ZFYVE16: variants seen among roughly 807,000 people sequenced by gnomAD.
The protein encoded by ZFYVE16 is zinc finger FYVE-type containing 16, also known as zinc finger FYVE domain-containing protein 16.
ZFYVE16 carries 89 observed loss-of-function variants against 138.1 expected under a neutral mutation model. The observed-to-expected ratio is 0.64, with a 90% CI of 0.54 to 0.77. The LOEUF (loss-of-function observed/expected upper bound fraction) is 0.77. Ranked by LOEUF, ZFYVE16 falls within the 30% of genes least tolerant of loss-of-function variation. ZFYVE16 has a pLI of 0.00. For synonymous variants in ZFYVE16, 596 were observed against 618.3 expected, an observed-to-expected ratio of 0.96 and a Z score of 0.53; for missense variants, 1,793 against 1,786.7, an observed-to-expected ratio of 1.00 and a Z score of -0.06.
At position 80,436,955 on chromosome 5, in the gene ZFYVE16, T is replaced by G; in HGVS notation, c.270T>G (p.Ser90=). The change falls in exon 4 of 19, where the codon TCT becomes TCG. Residue 90 remains serine, a synonymous_variant. Transcript: ENST00000505560. ...AAAAAACACTCAAGGGACTTACTTC[T>G]ATACAAAATGAAAAAAATGTAACAG... ...LNEKTLKGLT[S]IQNEKNVTGL... 6.2e-7 allele frequency: 1 copy of G among 1,614,144 alleles called. No homozygotes were observed. The highest frequency in any genetic ancestry group is 8.5e-7 in the Non-Finnish European group (1 of 1,180,010).
At chr5:80,410,912 T>C (rs967690273) in intron 1 of ZFYVE16, among the ~76,000 whole-genome samples, 3 of 151,952 alleles carry the variant, frequency 2.0e-5, no homozygotes, top group African/African-American at 7.2e-5. Flanking sequence ...ACAACAAAAT[T>C]ATGTTTTCTC....
chr5:80,442,014 A>G, intron 5 of ZFYVE16: 1 of 725,620 alleles, frequency 1.4e-6, no homozygotes, highest in Non-Finnish European at 1.7e-6. Flanking sequence ...GATGGATAGT[A>G]AACAAAAAGA....
chr5:80,409,772 C>G (rs981080348), intron 1 of ZFYVE16: 5 of 152,204 alleles, frequency 3.3e-5, no homozygotes, highest in African/African-American at 1.2e-4. Context: ...TGCTGAAAGG[C>G]TCCTGGGGAC....
At chr5:80,476,286 A>T (rs564359212) in intron 18 of ZFYVE16, among the ~76,000 whole-genome samples, 8 of 152,200 alleles carry the variant, frequency 5.3e-5, no homozygotes, top group African/African-American at 1.9e-4. Flanking sequence ...TTGAACTTGG[A>T]CAATTTGATA....
chr5:80,422,723 G>C (rs1367146741), intron 1 of ZFYVE16, among the ~76,000 whole-genome samples: 2 of 152,068 alleles, frequency 1.3e-5, no homozygotes, highest in African/African-American at 4.8e-5. Flanking sequence ...AAAGTACTGG[G>C]ATTACAGGCA....
Position 80,457,060 on chromosome 5 carries a change from A to T in ZFYVE16, c.3911A>T (p.Gln1304Leu). The T allele has an allele frequency of 1.2e-6, 2 of 1,612,072 alleles. No individual in the cohort carries two copies. The highest frequency in any genetic ancestry group is 1.7e-6 in the Non-Finnish European group (2 of 1,179,350). The change falls in exon 14 of 19, where the codon CAG becomes CTG. Residue 1304 changes from glutamine (Q) to leucine (L), a missense_variant. By Grantham distance (113) the Gln-to-Leu change is moderately radical (BLOSUM62 -2). Around this residue, in one of 2 missense-constraint regions of ZFYVE16, gnomAD observed 498 missense variants for 582.4 expected, o/e 0.86. Coordinates refer to ENST00000505560, the MANE Select transcript of ZFYVE16 (RefSeq NM_001284236.3). ...CIQNDGIYET[Q>L]ANSATGHPRK... ...CAGAATGATGGAATTTATGAAACACAGGCCAACAGTGCCACTGGCCATCCT... is the reference window on the plus strand; with the variant it reads ...CAGAATGATGGAATTTATGAAACACTGGCCAACAGTGCCACTGGCCATCCT...
Position 80,434,175 on chromosome 5 carries a change from A to G in ZFYVE16, c.28A>G (p.Ser10Gly). The G allele has an allele frequency of 1.9e-6, 3 of 1,613,524 alleles. No homozygotes were observed. The highest frequency in any genetic ancestry group is 2.5e-6 in the Non-Finnish European group (3 of 1,179,628). Residue 10 changes from serine to glycine, a missense_variant, in exon 3 of 19, where the codon AGT becomes GGT. By Grantham distance (56) the Ser-to-Gly change is moderately conservative (BLOSUM62 0). This residue lies in a region of ZFYVE16 where 1,295 missense variants were observed against 1,204.3 expected (regional missense o/e 1.08). Coordinates refer to ENST00000505560, the MANE Select transcript of ZFYVE16 (RefSeq NM_001284236.3). ...GGACAGTTATTTTAAAGCAGCTGTC[A>G]GTGACTTGGACAAACTCCTTGATGA... is the stretch of plus-strand genomic sequence containing the variant. Reference protein sequence around the residue: MDSYFKAAVSDLDKLLDDFE... With the variant: MDSYFKAAVGDLDKLLDDFE...
chr5:80,428,683 A>G (rs936814497), intron 2 of ZFYVE16, among the ~76,000 whole-genome samples: 3 of 152,256 alleles, frequency 2.0e-5, no homozygotes. Flanking sequence ...GTTCGAACCC[A>G]TCGCAAAGAA....
Position 80,438,067 on chromosome 5 carries a change from C to G in ZFYVE16, c.1382C>G (p.Thr461Arg), listed in dbSNP as rs144468152. Reference protein sequence around the residue: ...MEDRKIDPDQTVIRAESLDGG... With the variant: ...MEDRKIDPDQRVIRAESLDGG... Reference sequence around the variant, plus strand: ...GACAGAAAGATAGATCCTGACCAGACAGTAATCAGAGCTGAGTCTTTGGAT... The same window carrying G: ...GACAGAAAGATAGATCCTGACCAGAGAGTAATCAGAGCTGAGTCTTTGGAT... Residue 461 changes from threonine (T) to arginine (R), a missense_variant, in exon 4 of 19, where the codon ACA becomes AGA. By Grantham distance (71) the Thr-to-Arg change is moderately conservative. This residue lies in a region of ZFYVE16 where 1,295 missense variants were observed against 1,204.3 expected (regional missense o/e 1.08). Coordinates refer to ENST00000505560, the MANE Select transcript of ZFYVE16 (RefSeq NM_001284236.3). 74 of 1,614,056 alleles carry G rather than the reference C, an allele frequency of 4.6e-5. No homozygotes were observed. The African/African-American group carries it at 6.9e-4, about 15-fold the overall frequency.
chr5:80,421,451 C>T (rs910002737), intron 1 of ZFYVE16, among the ~76,000 whole-genome samples: 7 of 152,068 alleles, frequency 4.6e-5, no homozygotes, highest in Non-Finnish European at 1.0e-4. Context: ...AGTCTTTAGT[C>T]CATCTTAAAT....
At chr5:80,445,482 G>T in intron 7 of ZFYVE16, 77 bp downstream of exon 7, 9 of 1,233,080 alleles carry the variant, frequency 7.3e-6, no homozygotes, top group South Asian at 1.6e-5. Flanking sequence ...GATTATTAGA[G>T]TGCTTTTTTT....
rs1750155582 is a variant in ZFYVE16, at chr5:80,437,833, CTA to C, written c.1150_1151del (p.Met384ValfsTer6). On this transcript the variant is annotated frameshift_variant, in exon 4 of 19. Transcript: ENST00000505560. LOFTEE classifies it high-confidence loss of function. ...TTGTCCTGTCTTCCTGCGTCTGGGTCTATGTGTGGATCATTAATTGAAAGTAA... is the reference window on the plus strand; with the variant it reads ...TTGTCCTGTCTTCCTGCGTCTGGGTCTGTGTGGATCATTAATTGAAAGTAA... 4.3e-6 allele frequency: 7 copies of C among 1,613,870 alleles called. No individual in the cohort carries two copies. The highest frequency in any genetic ancestry group is 1.1e-5 in the South Asian group (1 of 91,076).
At chr5:80,451,841 T>A in intron 11 of ZFYVE16, 132 bp downstream of exon 11, 1 of 873,932 alleles carries the variant, frequency 1.1e-6, no homozygotes, top group Non-Finnish European at 1.7e-6. Context: ...TTTAAAGTTC[T>A]AAGACAACCC....
chr5:80,411,325 T>C (rs565847555), intron 1 of ZFYVE16, among the ~76,000 whole-genome samples: 17 of 152,182 alleles, frequency 1.1e-4, no homozygotes, highest in African/African-American at 3.1e-4. Flanking sequence ...TGAAGACATA[T>C]CATGTAGCTC....
chr5:80,431,807 C>A (rs1208007582), intron 2 of ZFYVE16, among the ~76,000 whole-genome samples: 3 of 151,894 alleles, frequency 2.0e-5, no homozygotes, highest in Non-Finnish European at 4.4e-5. Flanking sequence ...GATAAACAGC[C>A]AAATCATGAG....
intron 15 of ZFYVE16, among the ~76,000 whole-genome samples, chr5:80,463,923 T>A (rs1381430915): frequency 6.6e-6 from 1 of 152,158 alleles, no homozygotes; most frequent in East Asian, 1.9e-4. Context: ...TCACCTTTAT[T>A]CTAGTTCCCA....
chr5:80,451,762 A>T, intron 11 of ZFYVE16, 53 bp downstream of exon 11: 2 of 1,469,938 alleles, frequency 1.4e-6, no homozygotes, highest in Middle Eastern at 1.8e-4. Flanking sequence ...TACTGAATGT[A>T]AAGACTTTCA....
chr5:80,416,247 ATTTTTT>A (rs70988469), intron 1 of ZFYVE16, among the ~76,000 whole-genome samples: 2 of 73,322 alleles, frequency 2.7e-5, no homozygotes, highest in Admixed American at 2.1e-4. Flanking sequence ...GAATACATAG[ATTTTTT>A]TTTTTTTTTT....
intron 1 of ZFYVE16, among the ~76,000 whole-genome samples, chr5:80,416,247 A>ATTTTTTTT (rs70988469): frequency 9.5e-5 from 7 of 73,346 alleles, no homozygotes; most frequent in South Asian, 5.9e-4. Flanking sequence ...GAATACATAG[A>ATTTTTTTT]TTTTTTTTTT....
Sources: allele counts gnomAD v4.1 joint callset (sites outside exome capture counted in the v4.1 genomes callset), GRCh38; gene constraint gnomAD v4.1.1; regional missense constraint gnomAD v4.1.1; transcripts MANE v1.5; gene names NCBI Gene and HGNC (gene_info 2026-07-23, HGNC 2026-07-21).